The following OSBP2 variants were observed in gnomAD, a reference collection of about 807,000 sequenced individuals.
The protein encoded by OSBP2 is oxysterol binding protein 2, also known as oxysterol-binding protein 2.
A neutral mutation model predicts 96.0 loss-of-function variants in OSBP2; 66 were observed. The observed-to-expected ratio is 0.69, with a 90% CI of 0.56 to 0.84. The LOEUF is 0.84. OSBP2 is among the 40% of genes least tolerant of loss of function. The pLI is 0.00. For missense variants in OSBP2, 1,038 were observed against 1,222.7 expected (o/e 0.85, Z 2.25); for synonymous variants, 525 against 520.9 (o/e 1.01, Z -0.11).
chr22:30,815,276 T>C (rs752130763), intron 2 of OSBP2, among the ~76,000 whole-genome samples: 1 of 152,100 alleles, frequency 6.6e-6, no homozygotes, highest in Non-Finnish European at 1.5e-5. Flanking sequence ...GAGTGAGACC[T>C]TGTCTTTTTT....
At chr22:30,853,124 T>C (rs1046538485) in intron 2 of OSBP2, among the ~76,000 whole-genome samples, 2 of 152,210 alleles carry the variant, frequency 1.3e-5, no homozygotes, top group African/African-American at 4.8e-5. Flanking sequence ...GTCAATTAGG[T>C]CAATTCAGTT....
At chr22:30,903,617 G>A (rs960992039) in intron 12 of OSBP2, among the ~76,000 whole-genome samples, 2 of 152,248 alleles carry the variant, frequency 1.3e-5, no homozygotes, top group Admixed American at 6.5e-5. Flanking sequence ...AGACATGGTC[G>A]AGGTTCCCCT....
chr22:30,762,542 C>CA (rs779773654), intron 2 of OSBP2, among the ~76,000 whole-genome samples: 1,523 of 142,332 alleles, frequency 0.011, 21 homozygotes, highest in African/African-American at 0.031. Flanking sequence ...ACTCCGTCTC[C>CA]AAAAAAAAAA....
intron 1 of OSBP2, among the ~76,000 whole-genome samples, chr22:30,722,946 G>A (rs2089577702): frequency 6.6e-6 from 1 of 151,518 alleles, no homozygotes; most frequent in East Asian, 1.9e-4. Context: ...ACCACATCAG[G>A]ATAATTCTTT....
chr22:30,715,801 C>T (rs2089443396), intron 1 of OSBP2, among the ~76,000 whole-genome samples: 1 of 151,282 alleles, frequency 6.6e-6, no homozygotes, highest in African/African-American at 2.4e-5. Context: ...AGGCGACCTT[C>T]CCACCTTGGC....
intron 2 of OSBP2, among the ~76,000 whole-genome samples, chr22:30,808,579 G>T (rs181390716): frequency 1.3e-5 from 2 of 152,270 alleles, no homozygotes; most frequent in East Asian, 3.9e-4. Context: ...TGGAAATAGG[G>T]TCTTTGCAGA....
In OSBP2 at chr22:30,899,017, G is replaced by T. The variant is rs117150960; in HGVS notation, c.2375+5016G>T. 1.4e-3 allele frequency among the ~76,000 whole-genome samples: 206 copies of T among 152,106 alleles called. 6 individuals carry two copies. The East Asian group carries it at 0.039, about 29-fold the overall frequency. ...TAAATATTAATGAAAAAGGTTTAAT[G>T]TGACATATAAAGTATAAAGACATAA... On this transcript the variant is annotated intron_variant, in intron 12 of 13. Transcript: ENST00000332585.
In OSBP2 at chr22:30,902,137, AACC is replaced by A. The variant is rs1466783669; in HGVS notation, c.2376-3698_2376-3696del. On this transcript the variant is annotated intron_variant, in intron 12 of 13. Coordinates refer to ENST00000332585, the MANE Select transcript of OSBP2 (RefSeq NM_030758.4). Reference sequence around the variant, plus strand: ...AAAAAAAAAAAAACGAAAAAAAAAAAACCAAAAAAAAAAAACAGAGGGTCCCAC... The same window carrying A: ...AAAAAAAAAAAAACGAAAAAAAAAAAAAAAAAAAAAAACAGAGGGTCCCAC... 17 of 202,654 alleles carry A rather than the reference AACC, an allele frequency of 8.4e-5. 1 individual carries two copies. Among genetic ancestry groups the A allele is most frequent in the East Asian group, 3.9e-4 (4 of 10,178 alleles). The allele number at this position is 202,654 out of a possible 1,614,324, so 12.6% of individuals were successfully genotyped here.
chr22:30,790,305 G>GT (rs1246328288), intron 2 of OSBP2, among the ~76,000 whole-genome samples: 1 of 146,718 alleles, frequency 6.8e-6, no homozygotes, highest in East Asian at 1.9e-4. Flanking sequence ...TTTTAAGGAG[G>GT]GGGGGGCGGG....
intron 2 of OSBP2, among the ~76,000 whole-genome samples, chr22:30,840,053 T>C (rs1156529673): frequency 6.7e-6 from 1 of 150,318 alleles, no homozygotes; most frequent in Non-Finnish European, 1.5e-5. Context: ...GTTTCAGCTT[T>C]CTTTTTTTTT....
At chr22:30,902,653 A>G in intron 12 of OSBP2, 1 of 600,364 alleles carries the variant, frequency 1.7e-6, no homozygotes, top group South Asian at 1.7e-5. Context: ...AGGGAAGAGC[A>G]CAAAGACCAC....
chr22:30,745,565 G>A (rs1364523408), intron 2 of OSBP2, among the ~76,000 whole-genome samples: 8 of 151,648 alleles, frequency 5.3e-5, no homozygotes, highest in Non-Finnish European at 1.0e-4. Context: ...TACTCAAGAG[G>A]CTGAGGCAGG....
intron 2 of OSBP2, among the ~76,000 whole-genome samples, chr22:30,797,669 G>A (rs2090784199): frequency 2.0e-5 from 3 of 151,588 alleles, no homozygotes; most frequent in African/African-American, 7.3e-5. Flanking sequence ...AAGGCTCACT[G>A]CAGCCTCAAC....
intron 2 of OSBP2, among the ~76,000 whole-genome samples, chr22:30,746,577 C>T (rs1387837444): frequency 6.8e-6 from 1 of 146,202 alleles, no homozygotes; most frequent in Non-Finnish European, 1.5e-5. Flanking sequence ...GCAAGCTTCA[C>T]CTCCCAGGTT....
At chr22:30,874,562 C>T (rs1488070085) in intron 3 of OSBP2, among the ~76,000 whole-genome samples, 1 of 152,202 alleles carries the variant, frequency 6.6e-6, no homozygotes, top group East Asian at 1.9e-4. Flanking sequence ...CCCGAGAGCC[C>T]AGGACCCACA....
At chr22:30,748,271 C>T (rs370189731) in intron 2 of OSBP2, among the ~76,000 whole-genome samples, 6 of 151,874 alleles carry the variant, frequency 4.0e-5, no homozygotes, top group East Asian at 1.9e-4. Flanking sequence ...ATGCAACCTC[C>T]GCCTCCTGAG....
At chr22:30,697,316 G>C (rs1024534877) in intron 1 of OSBP2, among the ~76,000 whole-genome samples, 10 of 151,912 alleles carry the variant, frequency 6.6e-5, no homozygotes, top group Non-Finnish European at 1.5e-4. Context: ...GTCTCACTCT[G>C]TCACCAGGCT....
chr22:30,817,783 CA>C (rs1234102956), intron 2 of OSBP2, among the ~76,000 whole-genome samples: 2 of 152,196 alleles, frequency 1.3e-5, no homozygotes, highest in Non-Finnish European at 2.9e-5. Flanking sequence ...AAGGAGTTCA[CA>C]GTCTGTTGTT....
In OSBP2 at chr22:30,889,269, C is replaced by T. The variant is rs747009656; in HGVS notation, c.1476+35C>T. 3.8e-6 allele frequency: 6 copies of T among 1,585,934 alleles called. No individual in the cohort carries two copies. In the East Asian group the frequency reaches 1.1e-4, roughly 30 times the overall value. On this transcript the variant is annotated intron_variant, in intron 6 of 13. Coordinates refer to ENST00000332585, the MANE Select transcript of OSBP2 (RefSeq NM_030758.4). ...GGGGAGCACTGTAAGGGCCAGAAGG[C>T]AGCTTCTGGCCTAGGGGGTGGGAGG...
Sources: allele counts gnomAD v4.1 joint callset (sites outside exome capture counted in the v4.1 genomes callset), GRCh38; gene constraint gnomAD v4.1.1; transcripts MANE v1.5; gene names NCBI Gene and HGNC (gene_info 2026-07-23, HGNC 2026-07-21).